The following BCAS3 variants were observed in gnomAD, a reference collection of about 807,000 sequenced individuals.
BCAS3 encodes the protein BCAS3 microtubule associated cell migration factor.
A neutral mutation model predicts 116.1 loss-of-function variants in BCAS3; 53 were observed. The observed-to-expected ratio is 0.46, with a 90% CI of 0.37 to 0.57. The LOEUF (loss-of-function observed/expected upper bound fraction) is 0.57. Among genes scored for constraint, BCAS3 ranks in the 20% least tolerant of loss-of-function variants. The pLI is 0.00. For missense variants in BCAS3, 917 were observed against 1,165.4 expected, an observed-to-expected ratio of 0.79 and a Z score of 3.10; for synonymous variants, 391 against 408.2, an observed-to-expected ratio of 0.96 and a Z score of 0.51.
chr17:61,075,226 A>G (rs60006320), intron 20 of BCAS3, among the ~76,000 whole-genome samples: 39 of 151,878 alleles, frequency 2.6e-4, no homozygotes, highest in African/African-American at 7.7e-4. Flanking sequence ...ACGTGTGTGT[A>G]TATATATATA....
In BCAS3 at chr17:61,265,400, G is replaced by C. The variant is rs1202022130; in HGVS notation, c.2426-102927G>C. Among the ~76,000 whole-genome samples, 7 of 148,600 alleles carry C rather than the reference G, an allele frequency of 4.7e-5. No homozygotes were observed. The highest frequency in any genetic ancestry group is 4.7e-4 in the Admixed American group (7 of 14,940). ...GCCTGGGTAACAAGAGTGAAACTCTGTCTCAAGAAAAAAAAAAAAAGAAAG... is the reference window on the plus strand; with the variant it reads ...GCCTGGGTAACAAGAGTGAAACTCTCTCTCAAGAAAAAAAAAAAAAGAAAG... On this transcript the variant is annotated intron_variant, in intron 22 of 23. Coordinates refer to ENST00000407086, the MANE Select transcript of BCAS3 (RefSeq NM_017679.5). The surrounding 1 kb of genome is among the most constrained non-coding windows in gnomAD (Gnocchi z 4.3).
At chr17:61,207,493 C>T (rs1203824758) in intron 22 of BCAS3, among the ~76,000 whole-genome samples, 1 of 151,958 alleles carries the variant, frequency 6.6e-6, no homozygotes, top group Admixed American at 6.6e-5. Flanking sequence ...AACCAAGATG[C>T]CCTGGCTCCT....
chr17:61,149,314 A>G (rs1266886148), intron 22 of BCAS3, among the ~76,000 whole-genome samples: 1 of 152,220 alleles, frequency 6.6e-6, no homozygotes, highest in Non-Finnish European at 1.5e-5. Context: ...AGCTGGTTCC[A>G]TAGCATAAAT....
At chr17:61,025,742 A>G (rs887716400) in intron 16 of BCAS3, among the ~76,000 whole-genome samples, 1 of 151,578 alleles carries the variant, frequency 6.6e-6, no homozygotes, top group African/African-American at 2.4e-5. Flanking sequence ...TATCTATCCT[A>G]TTTTTCCTTC....
At chr17:61,312,360 C>T (rs1008714705) in intron 22 of BCAS3, among the ~76,000 whole-genome samples, 1 of 152,202 alleles carries the variant, frequency 6.6e-6, no homozygotes, top group African/African-American at 2.4e-5. Context: ...GACAGGTCCC[C>T]TGTGTGATTC....
At position 61,220,984 on chromosome 17, in the gene BCAS3, C is replaced by T. The variant is rs1291352259; in HGVS notation, c.2425+136420C>T. Among the ~76,000 whole-genome samples the T allele has an allele frequency of 1.3e-5, 2 of 152,174 alleles. No individual in the cohort carries two copies. Among genetic ancestry groups the T allele is most frequent in the African/African-American group, 2.4e-5 (1 of 41,456 alleles). ...GCATGGTGGCGGGCGCCTGTAGTCC[C>T]AGCTATTTGGGAGGCTGAGGCAGAA... On this transcript the variant is annotated intron_variant, in intron 22 of 23. Coordinates refer to ENST00000407086, the MANE Select transcript of BCAS3 (RefSeq NM_017679.5). This position sits in a 1 kb window ranked among gnomAD's most constrained non-coding sequence, Gnocchi z 4.5.
rs112072868 is a variant in BCAS3 at position 61,368,301 on chromosome 17, C to T, written c.2426-26C>T. On this transcript the variant is annotated intron_variant, in intron 22 of 23. Coordinates refer to ENST00000407086, the MANE Select transcript of BCAS3 (RefSeq NM_017679.5). This position sits in a 1 kb window ranked among gnomAD's most constrained non-coding sequence, Gnocchi z 6.0. ...CTGCTCCCTGAAGGTGTGGACTCAA[C>T]GTCAGATGTCCCGTGTGTGCCACAG... is the stretch of plus-strand genomic sequence containing the variant. 5.0e-3 allele frequency: 7,829 copies of T among 1,567,376 alleles called. 235 individuals carry two copies. The African/African-American group carries it at 0.078, about 16-fold the overall frequency.
rs916057320 is a variant in BCAS3 at position 61,211,642 on chromosome 17, T to C, written c.2425+127078T>C. On this transcript the variant is annotated intron_variant, in intron 22 of 23. Transcript: ENST00000407086. This position sits in a 1 kb window ranked among gnomAD's most constrained non-coding sequence, Gnocchi z 4.4. ...ATTATGCATCATTAGACTGAACTTC[T>C]TATGTTTGCATCCAGGTCATTTCTC... Among the ~76,000 whole-genome samples, 1 of 149,540 alleles carries C rather than the reference T, an allele frequency of 6.7e-6. No homozygotes were observed. Among genetic ancestry groups the C allele is most frequent in the African/African-American group, 2.5e-5 (1 of 40,618 alleles).
chr17:60,780,272 G>A (rs2144484563), intron 6 of BCAS3, among the ~76,000 whole-genome samples: 1 of 150,292 alleles, frequency 6.7e-6, no homozygotes, highest in Admixed American at 6.6e-5. Context: ...ACAGGCGTGA[G>A]CCACCATGCC....
intron 14 of BCAS3, among the ~76,000 whole-genome samples, chr17:60,988,811 A>G (rs1439927159): frequency 2.0e-5 from 3 of 151,504 alleles, no homozygotes; most frequent in Non-Finnish European, 2.9e-5. Flanking sequence ...TGATTTGTCA[A>G]TTTTGTTTAT....
Position 60,924,519 on chromosome 17 carries a change from T to A in BCAS3, c.1087+19T>A. Reference sequence around the variant, plus strand: ...ACAAGTGGTAAGTTCGCTCTCTGTCTTTTTTTTTTTTTTTTTTGTAGACCA... The same window carrying A: ...ACAAGTGGTAAGTTCGCTCTCTGTCATTTTTTTTTTTTTTTTTGTAGACCA... On this transcript the variant is annotated intron_variant, in intron 13 of 23. Coordinates refer to ENST00000407086, the MANE Select transcript of BCAS3 (RefSeq NM_017679.5). The A allele has an allele frequency of 1.8e-4, 55 of 298,900 alleles. No individual in the cohort carries two copies. The highest frequency in any genetic ancestry group is 4.2e-4 in the East Asian group (3 of 7,108). The allele number at this position is 298,900 out of a possible 1,614,324, so 18.5% of individuals were successfully genotyped here.
chr17:61,121,993 G>A (rs1226850989), intron 22 of BCAS3, among the ~76,000 whole-genome samples: 3 of 152,194 alleles, frequency 2.0e-5, no homozygotes, highest in African/African-American at 7.2e-5. Flanking sequence ...CTCCCAAAAT[G>A]CTGGGATTAC....
At chr17:61,138,957 A>G (rs1170827515) in intron 22 of BCAS3, among the ~76,000 whole-genome samples, 2 of 152,308 alleles carry the variant, frequency 1.3e-5, no homozygotes, top group South Asian at 4.1e-4. Context: ...GAAGAAAAAT[A>G]TTTTATTTCA....
chr17:60,737,780 TTTA>T (rs961269459), intron 5 of BCAS3, among the ~76,000 whole-genome samples: 7 of 151,738 alleles, frequency 4.6e-5, no homozygotes, highest in Non-Finnish European at 8.8e-5. Context: ...TATTTTTTAT[TTTA>T]TTATTATTAT....
At chr17:60,767,312 T>G (rs1326696486) in intron 6 of BCAS3, among the ~76,000 whole-genome samples, 1 of 151,542 alleles carries the variant, frequency 6.6e-6, no homozygotes, top group East Asian at 1.9e-4. Context: ...GACCTGTTCC[T>G]ATTTGGCCAT....
chr17:60,715,639 C>A (rs2038509271), intron 5 of BCAS3, among the ~76,000 whole-genome samples: 1 of 151,776 alleles, frequency 6.6e-6, no homozygotes. Flanking sequence ...CAGGTGCACG[C>A]CCCATGTCCG....
In BCAS3 at chr17:61,131,342, C is replaced by T. The variant is rs892663397; in HGVS notation, c.2425+46778C>T. Among the ~76,000 whole-genome samples the T allele has an allele frequency of 6.6e-6, 1 of 152,160 alleles. No individual in the cohort carries two copies. Among genetic ancestry groups the T allele is most frequent in the African/African-American group, 2.4e-5 (1 of 41,448 alleles). On this transcript the variant is annotated intron_variant, in intron 22 of 23. Transcript: ENST00000407086. This position sits in a 1 kb window ranked among gnomAD's most constrained non-coding sequence, Gnocchi z 4.4. ...AACAGCAGGTATGACAGAGGGTTCC[C>T]TGACTTTGATAGTTTTAATTATCTT...
Position 61,233,158 on chromosome 17 carries a change from C to G in BCAS3, c.2426-135169C>G, listed in dbSNP as rs544161655. On this transcript the variant is annotated intron_variant, in intron 22 of 23. Transcript: ENST00000407086. The surrounding 1 kb of genome is among the most constrained non-coding windows in gnomAD (Gnocchi z 4.3). The stretch of plus-strand genomic sequence containing the variant: ...AAAAATACTTCTTTTTTAAAAAACT[C>G]CTCTCCATATTATCTAGCAACACTC... 3.5e-4 allele frequency among the ~76,000 whole-genome samples: 53 copies of G among 152,252 alleles called. No homozygotes were observed. The highest frequency in any genetic ancestry group is 6.3e-4 in the Non-Finnish European group (43 of 67,996).
At chr17:61,071,283 A>C (rs1166662954) in intron 19 of BCAS3, among the ~76,000 whole-genome samples, 1 of 152,240 alleles carries the variant, frequency 6.6e-6, no homozygotes, top group African/African-American at 2.4e-5. Flanking sequence ...TAGAAATGGC[A>C]ATAAGTAACT....
Sources: gnomAD v4.1 joint callset for allele counts (sites outside exome capture counted in the v4.1 genomes callset) on GRCh38, gnomAD v4.1.1 for gene constraint, Gnocchi (gnomAD v3.1) non-coding constraint, MANE v1.5 for transcripts, NCBI Gene and HGNC (gene_info 2026-07-23, HGNC 2026-07-21) for gene names.